SPTB: variants seen among roughly 807,000 people sequenced by gnomAD.
The protein encoded by SPTB is spectrin beta chain, erythrocytic.
Under a neutral mutation model 256.2 loss-of-function variants are expected in SPTB, and 45 were observed. The ratio of observed to expected loss-of-function variants is 0.18; its 90% CI spans 0.14 to 0.23. The LOEUF is 0.23. SPTB is among the 10% of genes least tolerant of loss of function. The probability of loss-of-function intolerance (pLI) is 1.00; values close to 1 mark genes in which losing one functional copy is unlikely to be tolerated. For synonymous variants in SPTB, 1,231 were observed against 1,243.1 expected, an observed-to-expected ratio of 0.99 and a Z score of 0.21; for missense variants, 2,715 against 3,040.4, an observed-to-expected ratio of 0.89 and a Z score of 2.52.
intron 1 of SPTB, among the ~76,000 whole-genome samples, chr14:64,828,087 C>T (rs2083400834): frequency 1.3e-5 from 2 of 152,186 alleles, no homozygotes; most frequent in African/African-American, 4.8e-5. Context: ...CTTAAAGTCC[C>T]AAGATTACTA....
Position 64,772,986 on chromosome 14 carries a change from G to A in SPTB, c.5179-32C>T. 6.3e-7 allele frequency: 1 copy of A among 1,588,368 alleles called. No homozygotes were observed. Among genetic ancestry groups the A allele is most frequent in the Non-Finnish European group, 8.5e-7 (1 of 1,170,456 alleles). On this transcript the variant is annotated intron_variant, in intron 25 of 35. Transcript: ENST00000644917. This position sits in a 1 kb window ranked among gnomAD's most constrained non-coding sequence, Gnocchi z 5.4. Reference sequence around the variant, plus strand: ...ATGGGGCAGACAGAAATGTGGTTATGGGGGGCACAGGGGTTACAGGTGTCA... The same window carrying A: ...ATGGGGCAGACAGAAATGTGGTTATAGGGGGCACAGGGGTTACAGGTGTCA...
At position 64,750,001 on chromosome 14, in the gene SPTB, C is replaced by T; in HGVS notation, c.6756G>A (p.Lys2252=). The part of the protein sequence containing the change: ...ICEIAANYKK[K]KHVFKLRLSN... ...CTCACCTCAGCTTAAAGACGTGCTT[C>T]TTCTTCTTGTAGTTGGCAGCAATCT... The change falls in exon 34 of 36, where the codon AAG becomes AAA. Residue 2252 remains lysine (K), a synonymous_variant. Coordinates refer to ENST00000644917, the MANE Select transcript of SPTB (RefSeq NM_001355436.2). The T allele has an allele frequency of 6.2e-7, 1 of 1,614,158 alleles. No individual in the cohort carries two copies. Among genetic ancestry groups the T allele is most frequent in the South Asian group, 1.1e-5 (1 of 91,082 alleles).
rs768108040 is a variant in SPTB, at chr14:64,767,317, G to A, written c.6255C>T (p.Pro2085=). ...ELKERQIAER[P]AEETGPQEEE... is the part of the protein sequence containing the mutation. ...CCACCACTCACCCAGTCTCCTCTGCGGGTCTCTCTGCAATCTGGCGTTCTT... is the reference window on the plus strand; with the variant it reads ...CCACCACTCACCCAGTCTCCTCTGCAGGTCTCTCTGCAATCTGGCGTTCTT... The change falls in exon 31 of 36, where the codon CCC becomes CCT. Residue 2085 remains proline (P), a synonymous_variant. Coordinates refer to ENST00000644917, the MANE Select transcript of SPTB (RefSeq NM_001355436.2). 31 of 1,613,894 alleles carry A rather than the reference G, an allele frequency of 1.9e-5. No homozygotes were observed. The Admixed American group carries it at 2.0e-4, about 10-fold the overall frequency.
In SPTB at chr14:64,772,132, C is replaced by T. The variant is rs115571322; in HGVS notation, c.5553+448G>A. On this transcript the variant is annotated intron_variant, in intron 26 of 35. Transcript: ENST00000644917. The surrounding 1 kb of genome is among the most constrained non-coding windows in gnomAD (Gnocchi z 5.4). The stretch of plus-strand genomic sequence containing the variant: ...ATAGCTAGACTGCCAGGGTCTGAGC[C>T]CTGGCTCCACTTCGTACCTACATGT... 1.8e-3 allele frequency among the ~76,000 whole-genome samples: 272 copies of T among 152,264 alleles called. No individual in the cohort carries two copies. Among genetic ancestry groups the T allele is most frequent in the African/African-American group, 5.4e-3 (223 of 41,546 alleles).
intron 6 of SPTB, among the ~76,000 whole-genome samples, 165 bp downstream of exon 6, chr14:64,801,589 C>T (rs2082887228): frequency 6.6e-6 from 1 of 152,072 alleles, no homozygotes; most frequent in South Asian, 2.1e-4. Context: ...GGGCGGCAGG[C>T]ATGCTGGGAT....
In SPTB at chr14:64,847,849, C is replaced by T. The variant is rs60607350; in HGVS notation, c.-51-24704G>A. 0.024 allele frequency among the ~76,000 whole-genome samples: 3,652 copies of T among 152,266 alleles called. 147 individuals carry two copies. Among genetic ancestry groups the T allele is most frequent in the African/African-American group, 0.082 (3,421 of 41,538 alleles). ...ATTTCCTCAATGCTCCATGTGCCCC[C>T]CACCGCAAACCCCATCCGGAGTGAG... On this transcript the variant is annotated intron_variant, in intron 1 of 35. Transcript: ENST00000644917. This position sits in a 1 kb window ranked among gnomAD's most constrained non-coding sequence, Gnocchi z 5.9.
Position 64,797,773 on chromosome 14 carries a change from C to G in SPTB, c.1138G>C (p.Val380Leu). 6.2e-7 allele frequency: 1 copy of G among 1,614,148 alleles called. No homozygotes were observed. The highest frequency in any genetic ancestry group is 8.5e-7 in the Non-Finnish European group (1 of 1,180,008). Residue 380 changes from valine (V) to leucine (L), a missense_variant, in exon 10 of 36, where the codon GTG becomes CTG. Val to Leu is a conservative substitution (Grantham distance 32). This residue lies in a region of SPTB where 416 missense variants were observed against 571.1 expected (regional missense o/e 0.73). Transcript: ENST00000644917. ...AGTTTCCCATCGTGGGGTGTGTACA[C>G]TTTCTGATTGTTGGCTCTCATCCGG... ...QSRMRANNQKVYTPHDGKLVS... is the reference protein window; with the variant it reads ...QSRMRANNQKLYTPHDGKLVS...
rs2081877291 is a variant in SPTB, at chr14:64,748,127, G to A, written c.*1179C>T. On this transcript the variant is annotated 3_prime_UTR_variant, in exon 36 of 36. Transcript: ENST00000644917. The stretch of plus-strand genomic sequence containing the variant: ...CTTCATGGCTCTGGCCCTGACATTT[G>A]TCCCAGTTGTGCAGGAGTAGCTGTC... 6.6e-6 allele frequency: 1 copy of A among 152,148 alleles called. No individual in the cohort carries two copies. The highest frequency in any genetic ancestry group is 2.1e-4 in the South Asian group (1 of 4,820). The allele number at this position is 152,148 out of a possible 1,614,324, so 9.4% of individuals were successfully genotyped here. A position where few individuals can be genotyped will look rare whatever the true frequency, so the allele number is the denominator to read the frequency against.
chr14:64,865,918 T>G (rs1227811832), intron 1 of SPTB, among the ~76,000 whole-genome samples: 1 of 152,162 alleles, frequency 6.6e-6, no homozygotes, highest in Non-Finnish European at 1.5e-5. Flanking sequence ...GGTTGAACAT[T>G]TGGGCATCAA....
At chr14:64,773,496 A>G (rs530895747) in intron 24 of SPTB, 72 bp from the exon 25 acceptor site, 67 of 1,475,824 alleles carry the variant, frequency 4.5e-5, no homozygotes, top group Non-Finnish European at 6.2e-5. Flanking sequence ...CAGGGAGCCA[A>G]CATATGCCAA....
intron 1 of SPTB, among the ~76,000 whole-genome samples, chr14:64,843,196 A>G (rs2083635354): frequency 6.6e-6 from 1 of 150,998 alleles, no homozygotes; most frequent in South Asian, 2.1e-4. Flanking sequence ...TAAATCCTGG[A>G]TGACAGGTTT....
At position 64,785,741 on chromosome 14, in the gene SPTB, G is replaced by T; in HGVS notation, c.3764+8C>A. 5 of 1,614,034 alleles carry T rather than the reference G, an allele frequency of 3.1e-6. No homozygotes were observed. Among genetic ancestry groups the T allele is most frequent in the Non-Finnish European group, 4.2e-6 (5 of 1,179,982 alleles). Reference sequence around the variant, plus strand: ...TGGGGGCCTCGTGGCCCTGGGGCCCGGGAGTACCTGTCCTCAATCAGCTGC... The same window carrying T: ...TGGGGGCCTCGTGGCCCTGGGGCCCTGGAGTACCTGTCCTCAATCAGCTGC... On this transcript the variant is annotated splice_region_variant and intron_variant, in intron 17 of 35. Coordinates refer to ENST00000644917, the MANE Select transcript of SPTB (RefSeq NM_001355436.2). This position sits in a 1 kb window ranked among gnomAD's most constrained non-coding sequence, Gnocchi z 4.4.
intron 1 of SPTB, among the ~76,000 whole-genome samples, chr14:64,858,733 C>A (rs943909712): frequency 3.3e-5 from 5 of 152,138 alleles, no homozygotes; most frequent in African/African-American, 1.2e-4. Context: ...AAGGTGACGT[C>A]CTGGGCTACA....
chr14:64,770,181 T>TG (rs1464082257), intron 27 of SPTB, among the ~76,000 whole-genome samples: 2 of 152,084 alleles, frequency 1.3e-5, no homozygotes. Flanking sequence ...GAGAGGGGAA[T>TG]GGGGAGTGAC....
intron 32 of SPTB, chr14:64,757,529 G>A (rs568984493): frequency 5.9e-5 from 9 of 152,360 alleles, no homozygotes; most frequent in African/African-American, 2.2e-4. Context: ...GTTCCTGACT[G>A]CTCCTGTAGA....
At chr14:64,773,852 G>A (rs2082315588) in intron 24 of SPTB, among the ~76,000 whole-genome samples, 2 of 152,204 alleles carry the variant, frequency 1.3e-5, no homozygotes. Flanking sequence ...AAACCTCTGG[G>A]GTGGCTGCTG....
chr14:64,788,963 GT>G (rs1220881353), intron 15 of SPTB, among the ~76,000 whole-genome samples: 17 of 152,228 alleles, frequency 1.1e-4, no homozygotes, highest in African/African-American at 3.9e-4. Context: ...AAAAACCTTA[GT>G]TTTTTCCCAG....
chr14:64,749,829 G>A lies in SPTB; in HGVS notation c.6777-133C>T, dbSNP rs1339997921. The A allele has an allele frequency of 2.7e-6, 4 of 1,483,686 alleles. No individual in the cohort carries two copies. The Admixed American group carries it at 5.6e-5, about 21-fold the overall frequency. 91.9% of individuals were successfully genotyped at this position (1,483,686 alleles called of 1,614,324 possible). ...TCAGGCAGCCCAGCACTTTCTGAGA[G>A]GTCAAAGTCTGGACCATCAGCCTCT... On this transcript the variant is annotated intron_variant, in intron 34 of 35. Transcript: ENST00000644917. This position sits in a 1 kb window ranked among gnomAD's most constrained non-coding sequence, Gnocchi z 4.7.
In SPTB at chr14:64,817,046, A is replaced by G. The variant is rs139578455; in HGVS notation, c.148+5901T>C. Among the ~76,000 whole-genome samples, 1,318 of 152,348 alleles carry G rather than the reference A, an allele frequency of 8.7e-3. 11 individuals carry two copies. The highest frequency in any genetic ancestry group is 0.012 in the Admixed American group (188 of 15,308). On this transcript the variant is annotated intron_variant, in intron 2 of 35. Coordinates refer to ENST00000644917, the MANE Select transcript of SPTB (RefSeq NM_001355436.2). ...TAATATTTGATAAAGCATCTTCACA[A>G]TGATAGATAGCAGTCACCCATAGAA...
Sources: gnomAD v4.1 joint callset for allele counts (sites outside exome capture counted in the v4.1 genomes callset) on GRCh38, gnomAD v4.1.1 for gene constraint, gnomAD v4.1.1 regional missense constraint, Gnocchi (gnomAD v3.1) non-coding constraint, MANE v1.5 for transcripts, NCBI Gene and HGNC (gene_info 2026-07-23, HGNC 2026-07-21) for gene names.